Variants in DNER observed in about 807,000 individuals in gnomAD.
The protein encoded by DNER is delta/notch like EGF repeat containing.
A neutral mutation model predicts 78.2 loss-of-function variants in DNER; 33 were observed. The observed-to-expected ratio is 0.42, with a 90% CI of 0.32 to 0.56. The LOEUF (loss-of-function observed/expected upper bound fraction) is 0.56, where lower values mean the gene tolerates loss of function less well. Ranked by LOEUF, DNER falls within the 20% of genes least tolerant of loss-of-function variation. The pLI, the probability that DNER is intolerant of heterozygous loss-of-function variation, is 0.11. For missense variants in DNER, 918 were observed against 975.3 expected, an observed-to-expected ratio of 0.94 and a Z score of 0.78; for synonymous variants, 417 against 384.8, an observed-to-expected ratio of 1.08 and a Z score of -0.98.
chr2:229,492,005 T>C (rs950939873), intron 6 of DNER, among the ~76,000 whole-genome samples: 3 of 151,834 alleles, frequency 2.0e-5, no homozygotes, highest in African/African-American at 4.8e-5. Flanking sequence ...ACACACTACA[T>C]ATATGCAAAC....
chr2:229,447,306 C>G lies in DNER; in HGVS notation c.1486+10G>C. The G allele has an allele frequency of 6.3e-7, 1 of 1,584,344 alleles. No individual in the cohort carries two copies. The highest frequency in any genetic ancestry group is 8.6e-7 in the Non-Finnish European group (1 of 1,164,620). On this transcript the variant is annotated intron_variant, in intron 8 of 12. Coordinates refer to ENST00000341772, the MANE Select transcript of DNER (RefSeq NM_139072.4). The stretch of plus-strand genomic sequence containing the variant: ...AAAAGGAAGATGTACTGTGTAGGGG[C>G]GGTACCCACCTGGATCACAGAGGCA...
chr2:229,416,051 A>C (rs1185151610), intron 9 of DNER, among the ~76,000 whole-genome samples: 4 of 152,204 alleles, frequency 2.6e-5, no homozygotes, highest in Admixed American at 2.6e-4. Flanking sequence ...CACCTCACAG[A>C]CACCTCCTTC....
At chr2:229,436,433 T>C (rs1472652452) in intron 8 of DNER, among the ~76,000 whole-genome samples, 6 of 152,170 alleles carry the variant, frequency 3.9e-5, no homozygotes, top group African/African-American at 4.8e-5. Flanking sequence ...GTCTTTCAAA[T>C]TCAGGAAATG....
At chr2:229,472,637 A>G (rs555028820) in intron 7 of DNER, among the ~76,000 whole-genome samples, 32 of 152,350 alleles carry the variant, frequency 2.1e-4, no homozygotes, top group African/African-American at 7.7e-4. Context: ...TTAAAACTTA[A>G]GGATTTCAAA....
chr2:229,513,057 A>T lies in DNER; in HGVS notation c.994-121T>A, dbSNP rs542919807. ...TTATAATCAGCAATTTAATCAAATC[A>T]CTTATGTCATAATCTAGTTGAAATC... On this transcript the variant is annotated intron_variant, in intron 5 of 12. Coordinates refer to ENST00000341772, the MANE Select transcript of DNER (RefSeq NM_139072.4). 1.2e-4 allele frequency: 135 copies of T among 1,112,998 alleles called. No individual in the cohort carries two copies. In the South Asian group the frequency reaches 2.1e-3, roughly 18 times the overall value. The allele number at this position is 1,112,998 out of a possible 1,614,324, so 68.9% of individuals were successfully genotyped here.
At chr2:229,538,692 C>A (rs1183574204) in intron 5 of DNER, among the ~76,000 whole-genome samples, 1 of 152,000 alleles carries the variant, frequency 6.6e-6, no homozygotes, top group Non-Finnish European at 1.5e-5. Flanking sequence ...ACATAGGTAT[C>A]ATTTTTTGTG....
chr2:229,697,043 G>A (rs182064109), intron 1 of DNER, among the ~76,000 whole-genome samples: 4 of 152,230 alleles, frequency 2.6e-5, no homozygotes, highest in East Asian at 3.9e-4. Flanking sequence ...ACACTTGTAC[G>A]AGCACATTCA....
chr2:229,562,171 G>A (rs1453120217), intron 4 of DNER, among the ~76,000 whole-genome samples: 1 of 152,070 alleles, frequency 6.6e-6, no homozygotes, highest in Non-Finnish European at 1.5e-5. Context: ...AACAATACAG[G>A]CCTGTAAATA....
chr2:229,539,610 A>C (rs1437776157), intron 5 of DNER, among the ~76,000 whole-genome samples: 1 of 152,222 alleles, frequency 6.6e-6, no homozygotes, highest in Non-Finnish European at 1.5e-5. Context: ...CAAAACTCAG[A>C]CAACTGGATT....
chr2:229,409,614 G>T (rs1693462838), intron 9 of DNER, among the ~76,000 whole-genome samples: 1 of 152,158 alleles, frequency 6.6e-6, no homozygotes, highest in African/African-American at 2.4e-5. Context: ...TGGGTGTTTG[G>T]GGTTTTTGTT....
At chr2:229,408,169 G>C (rs534172984) in intron 9 of DNER, among the ~76,000 whole-genome samples, 1 of 151,662 alleles carries the variant, frequency 6.6e-6, no homozygotes, top group African/African-American at 2.4e-5. Flanking sequence ...AAAAAAGACT[G>C]TGTGTGCATG....
chr2:229,378,992 A>C (rs1477299925), intron 11 of DNER, among the ~76,000 whole-genome samples: 1 of 152,184 alleles, frequency 6.6e-6, no homozygotes, highest in Non-Finnish European at 1.5e-5. Flanking sequence ...GGCAGAGCCT[A>C]ATCTGTAATT....
chr2:229,559,220 T>C (rs931919208), intron 4 of DNER, among the ~76,000 whole-genome samples: 1 of 152,088 alleles, frequency 6.6e-6, no homozygotes, highest in Non-Finnish European at 1.5e-5. Flanking sequence ...ATATGGGTAG[T>C]TAGAAACATC....
chr2:229,703,442 T>G (rs898173891), intron 1 of DNER, among the ~76,000 whole-genome samples: 1 of 152,098 alleles, frequency 6.6e-6, no homozygotes, highest in African/African-American at 2.4e-5. Context: ...AAATGATACA[T>G]GAGAAAACAA....
At chr2:229,454,234 G>A (rs1460415191) in intron 7 of DNER, among the ~76,000 whole-genome samples, 1 of 152,192 alleles carries the variant, frequency 6.6e-6, no homozygotes, top group Non-Finnish European at 1.5e-5. Context: ...CATTTTGGGG[G>A]TGGTTTGTCA....
chr2:229,653,088 C>T (rs560261170), intron 1 of DNER, among the ~76,000 whole-genome samples: 30 of 152,338 alleles, frequency 2.0e-4, no homozygotes, highest in African/African-American at 5.8e-4. Context: ...TTCCATGAGG[C>T]TCAGTTTCCA....
At chr2:229,388,459 G>C in intron 10 of DNER, 63 bp from the exon 11 acceptor site, 3 of 1,511,148 alleles carry the variant, frequency 2.0e-6, no homozygotes, top group Non-Finnish European at 2.7e-6. Context: ...CATTTTTCTG[G>C]CCAAAAAATA....
chr2:229,570,925 A>G (rs1163634741), intron 4 of DNER, among the ~76,000 whole-genome samples: 1 of 152,032 alleles, frequency 6.6e-6, no homozygotes, highest in Non-Finnish European at 1.5e-5. Flanking sequence ...GACATGGAAG[A>G]TTTTGTCTGT....
At chr2:229,395,803 C>A (rs1026409084) in intron 10 of DNER, among the ~76,000 whole-genome samples, 1 of 152,082 alleles carries the variant, frequency 6.6e-6, no homozygotes, top group African/African-American at 2.4e-5. Flanking sequence ...GAGGCTGAGG[C>A]AGGAGAATCA....
Sources: gnomAD v4.1 joint callset for allele counts (sites outside exome capture counted in the v4.1 genomes callset) on GRCh38, gnomAD v4.1.1 for gene constraint, MANE v1.5 for transcripts, NCBI Gene and HGNC (gene_info 2026-07-23, HGNC 2026-07-21) for gene names.